Variants in TMEM163 observed in about 807,000 individuals in gnomAD.
The protein encoded by TMEM163 is transmembrane protein 163.
In TMEM163, 17 loss-of-function variants were observed where a neutral mutation model predicts 29.3. That is an observed-to-expected ratio of 0.58 (90% CI 0.40 to 0.87). The LOEUF (loss-of-function observed/expected upper bound fraction) is 0.87. Ranked by LOEUF, TMEM163 falls within the 40% of genes least tolerant of loss-of-function variation. The pLI is 0.00. For synonymous variants in TMEM163, 157 were observed against 160.6 expected, an observed-to-expected ratio of 0.98 and a Z score of 0.17; for missense variants, 303 against 381.5, an observed-to-expected ratio of 0.79 and a Z score of 1.71.
Position 134,575,011 on chromosome 2 carries a change from C to T in TMEM163, c.323-22920G>A, listed in dbSNP as rs115457548. 8.0e-3 allele frequency among the ~76,000 whole-genome samples: 1,128 copies of T among 141,618 alleles called. 19 individuals are homozygous for T. The highest frequency in any genetic ancestry group is 0.029 in the African/African-American group (1,082 of 37,888). 92.9% of individuals were successfully genotyped at this position (141,618 alleles called of 152,430 possible). ...GGTAGAGAAGGCATGGTCCATTTGC[C>T]AAGCAAGGCCAGCCCAGACATGTGG... is the stretch of plus-strand genomic sequence containing the variant. On this transcript the variant is annotated intron_variant, in intron 2 of 7. Transcript: ENST00000281924.
At chr2:134,469,633 T>C (rs1471893054) in intron 5 of TMEM163, 2 of 53,678 alleles carry the variant, frequency 3.7e-5, no homozygotes, top group Non-Finnish European at 6.1e-5. Flanking sequence ...AGGCACATTC[T>C]GCATTCTGTG....
Position 134,560,696 on chromosome 2 carries a change from G to A in TMEM163, c.323-8605C>T, listed in dbSNP as rs1025771093. Among the ~76,000 whole-genome samples the A allele has an allele frequency of 7.2e-5, 11 of 152,220 alleles. No homozygotes were observed. The East Asian group carries it at 9.7e-4, about 13-fold the overall frequency. ...AGAGCCAACACAGAATAGTATAACA[G>A]GAAAAAAATCCAAATAAAAACAACC... On this transcript the variant is annotated intron_variant, in intron 2 of 7. Coordinates refer to ENST00000281924, the MANE Select transcript of TMEM163 (RefSeq NM_030923.5).
intron 2 of TMEM163, among the ~76,000 whole-genome samples, chr2:134,606,580 G>A (rs908189535): frequency 5.9e-5 from 9 of 152,264 alleles, no homozygotes; most frequent in Middle Eastern, 6.8e-3. Flanking sequence ...GGAAGAGTCG[G>A]GCTGGGGAAG....
At chr2:134,490,121 G>A (rs1306661952) in intron 5 of TMEM163, among the ~76,000 whole-genome samples, 1 of 152,184 alleles carries the variant, frequency 6.6e-6, no homozygotes, top group African/African-American at 2.4e-5. Context: ...AGTAGACAAA[G>A]AATTATAATG....
At chr2:134,600,178 C>T (rs745548552) in intron 2 of TMEM163, among the ~76,000 whole-genome samples, 2 of 152,220 alleles carry the variant, frequency 1.3e-5, no homozygotes, top group Non-Finnish European at 2.9e-5. Flanking sequence ...AACTGTGACA[C>T]TGGCTCAGTG....
chr2:134,571,471 A>G (rs1049532925), intron 2 of TMEM163, among the ~76,000 whole-genome samples: 21 of 150,946 alleles, frequency 1.4e-4, no homozygotes, highest in African/African-American at 5.1e-4. Context: ...TTTTACTCCG[A>G]AAAAAAAAAT....
chr2:134,718,918 G>T lies in TMEM163; in HGVS notation c.18C>A (p.Gly6=). 9.4e-7 allele frequency: 1 copy of T among 1,061,552 alleles called. No homozygotes were observed. The highest frequency in any genetic ancestry group is 1.1e-6 in the Non-Finnish European group (1 of 881,112). The allele number at this position is 1,061,552 out of a possible 1,614,324, so 65.8% of individuals were successfully genotyped here. ...GCCCCTGGGAGCTGCGGCGCTGGAT[G>T]CCCGCGGCCGGCTCCATGGCGCGGG... MEPAA[G]IQRRSSQGPT... is the part of the protein sequence containing the mutation. Residue 6 remains glycine, a synonymous_variant, in exon 1 of 8, where the codon GGC becomes GGA. Transcript: ENST00000281924.
In TMEM163 at chr2:134,525,711, G is replaced by T. The variant is rs76846746; in HGVS notation, c.459-22714C>A. Among the ~76,000 whole-genome samples the T allele has an allele frequency of 2.8e-3, 421 of 152,276 alleles. 4 individuals carry two copies. Among genetic ancestry groups the T allele is most frequent in the African/African-American group, 9.8e-3 (408 of 41,550 alleles). Reference sequence around the variant, plus strand: ...GAAGAACCCACTAAAAACAGAATCTGCCTCCTTCCCTGTCTAACACTCCCA... The same window carrying T: ...GAAGAACCCACTAAAAACAGAATCTTCCTCCTTCCCTGTCTAACACTCCCA... On this transcript the variant is annotated intron_variant, in intron 4 of 7. Coordinates refer to ENST00000281924, the MANE Select transcript of TMEM163 (RefSeq NM_030923.5).
intron 2 of TMEM163, among the ~76,000 whole-genome samples, chr2:134,573,608 G>T (rs565762092): frequency 6.6e-6 from 1 of 152,302 alleles, no homozygotes; most frequent in East Asian, 1.9e-4. Context: ...GCAGATACAG[G>T]CCAATTCACA....
intron 4 of TMEM163, among the ~76,000 whole-genome samples, chr2:134,546,676 G>A (rs1680794469): frequency 6.8e-6 from 1 of 147,920 alleles, no homozygotes; most frequent in South Asian, 2.2e-4. Context: ...AGCCAGGTGT[G>A]GTGGTGCATG....
At chr2:134,602,340 T>C (rs970550144) in intron 2 of TMEM163, among the ~76,000 whole-genome samples, 6 of 152,202 alleles carry the variant, frequency 3.9e-5, no homozygotes, top group Admixed American at 2.6e-4. Context: ...CCCTCCCGCA[T>C]GCCTGTCCAT....
rs70973456 is a variant in TMEM163 at position 134,594,851 on chromosome 2, G to GTCTCTCTC, written c.323-42768_323-42761dup. On this transcript the variant is annotated intron_variant, in intron 2 of 7. Transcript: ENST00000281924. ...GCTACATGGACTCAAGAGACCTTGA[G>GTCTCTCTC]TCTCTCTCTCTCTCTCTCTCTCTCT... Among the ~76,000 whole-genome samples, 118 of 147,954 alleles carry GTCTCTCTC rather than the reference G, an allele frequency of 8.0e-4. 1 individual carries two copies. Among genetic ancestry groups the GTCTCTCTC allele is most frequent in the African/African-American group, 2.5e-3 (101 of 40,336 alleles).
chr2:134,700,909 CATAAATAAATAA>C (rs746341374), intron 2 of TMEM163, among the ~76,000 whole-genome samples: 23 of 58,706 alleles, frequency 3.9e-4, no homozygotes, highest in South Asian at 6.6e-4. Context: ...CTCGAAAATA[CATAAATAAATAA>C]ATAAATAAAT....
chr2:134,627,360 A>G (rs1245356361), intron 2 of TMEM163, among the ~76,000 whole-genome samples: 1 of 152,202 alleles, frequency 6.6e-6, no homozygotes, highest in Non-Finnish European at 1.5e-5. Flanking sequence ...TTGAATCTTT[A>G]TAAAAAATAT....
chr2:134,702,668 T>C (rs1448235199), intron 2 of TMEM163, among the ~76,000 whole-genome samples: 1 of 148,652 alleles, frequency 6.7e-6, no homozygotes, highest in African/African-American at 2.6e-5. Context: ...AATTAATTAA[T>C]TAAAAATAAA....
chr2:134,584,909 A>G (rs1315284854), intron 2 of TMEM163, among the ~76,000 whole-genome samples: 1 of 152,186 alleles, frequency 6.6e-6, no homozygotes, highest in Non-Finnish European at 1.5e-5. Flanking sequence ...AGAGCTGGTA[A>G]GCAGCAGAGT....
chr2:134,634,942 G>C (rs572971628), intron 2 of TMEM163, among the ~76,000 whole-genome samples: 1 of 152,370 alleles, frequency 6.6e-6, no homozygotes, highest in African/African-American at 2.4e-5. Context: ...ATAAAAGAGA[G>C]ATGAGAAACA....
At chr2:134,554,267 G>A (rs1680997045) in intron 2 of TMEM163, among the ~76,000 whole-genome samples, 1 of 151,506 alleles carries the variant, frequency 6.6e-6, no homozygotes, top group Admixed American at 6.6e-5. Context: ...TACTAAAAAT[G>A]CAAAAAGAAT....
At chr2:134,581,205 C>A (rs894667905) in intron 2 of TMEM163, among the ~76,000 whole-genome samples, 1 of 152,166 alleles carries the variant, frequency 6.6e-6, no homozygotes, top group African/African-American at 2.4e-5. Flanking sequence ...TTCTGGTTAA[C>A]CTTGATCTTC....
Sources: gnomAD v4.1 joint callset for allele counts (sites outside exome capture counted in the v4.1 genomes callset) on GRCh38, gnomAD v4.1.1 for gene constraint, MANE v1.5 for transcripts, NCBI Gene and HGNC (gene_info 2026-07-23, HGNC 2026-07-21) for gene names.